KLF15: variants seen among roughly 807,000 people sequenced by gnomAD.
KLF15 encodes the protein KLF transcription factor 15.
Under a neutral mutation model 24.6 loss-of-function variants are expected in KLF15, and 4 were observed. The observed-to-expected ratio is 0.16, with a 90% CI of 0.08 to 0.37. The LOEUF (loss-of-function observed/expected upper bound fraction) is 0.37, where lower values mean the gene tolerates loss of function less well. Ranked by LOEUF, KLF15 falls within the 10% of genes least tolerant of loss-of-function variation. KLF15 has a pLI of 1.00. For synonymous variants in KLF15, 246 were observed against 236.3 expected, an observed-to-expected ratio of 1.04 and a Z score of -0.37; for missense variants, 496 against 560.6, an observed-to-expected ratio of 0.88 and a Z score of 1.16.
chr3:126,310,438 G>A, the KLF15 span, among the ~76,000 whole-genome samples: 7 of 152,144 alleles, frequency 4.6e-5, no homozygotes, highest in Non-Finnish European at 7.3e-5. Context: ...ACAATGTGGC[G>A]ACATCACAGC....
the KLF15 span, among the ~76,000 whole-genome samples, chr3:126,307,792 G>A: frequency 5.9e-5 from 9 of 152,254 alleles, no homozygotes; most frequent in East Asian, 5.8e-4. Flanking sequence ...TGGGCTGTGC[G>A]TCCCCAGCTG....
At chr3:126,301,020 T>C in the KLF15 span, among the ~76,000 whole-genome samples, 4 of 152,296 alleles carry the variant, frequency 2.6e-5, no homozygotes, top group Non-Finnish European at 2.9e-5. Flanking sequence ...TCACAAAGCC[T>C]CACGTTATGG....
chr3:126,308,342 C>G, the KLF15 span, among the ~76,000 whole-genome samples: 1 of 152,194 alleles, frequency 6.6e-6, no homozygotes, highest in Non-Finnish European at 1.5e-5. Context: ...CGGCCTCACT[C>G]CCTGGTGTCC....
chr3:126,303,638 G>A, the KLF15 span, among the ~76,000 whole-genome samples: 9 of 151,510 alleles, frequency 5.9e-5, no homozygotes, highest in East Asian at 1.4e-3. Flanking sequence ...CTTGTGCTTA[G>A]GGTTTGTTGA....
rs779877910 is a variant in KLF15, at chr3:126,343,787, G to A, written c.1191C>T (p.Ser397=). The A allele has an allele frequency of 6.2e-6, 10 of 1,612,010 alleles. No homozygotes were observed. In the South Asian group the frequency reaches 1.1e-4, roughly 18 times the overall value. ...EKKFARSDHL[S]KHIKVHRFPR... ...GGAAGCGGTGCACCTTGATGTGCTT[G>A]GAGAGGTGGTCGCTCCGCGCGAACT... Residue 397 remains serine, a synonymous_variant, in exon 3 of 3, where the codon TCC becomes TCT. Transcript: ENST00000296233.
At chr3:126,306,881 A>G in the KLF15 span, among the ~76,000 whole-genome samples, 1 of 152,070 alleles carries the variant, frequency 6.6e-6, no homozygotes, top group Non-Finnish European at 1.5e-5. Flanking sequence ...ATCTCTGGCA[A>G]TGGTGCCCCT....
chr3:126,311,451 C>T, the KLF15 span, among the ~76,000 whole-genome samples: 1 of 152,162 alleles, frequency 6.6e-6, no homozygotes, highest in Non-Finnish European at 1.5e-5. Flanking sequence ...TCATGGCAGC[C>T]CTTCCAGGTT....
At chr3:126,291,630 GGC>G in the KLF15 span, among the ~76,000 whole-genome samples, 7 of 152,252 alleles carry the variant, frequency 4.6e-5, no homozygotes, top group African/African-American at 1.7e-4. Context: ...TCTCCCAGGT[GGC>G]TGCGTCCCGG....
At chr3:126,322,742 C>T in the KLF15 span, among the ~76,000 whole-genome samples, 1 of 152,322 alleles carries the variant, frequency 6.6e-6, no homozygotes, top group South Asian at 2.1e-4. Flanking sequence ...CAGTGTAGCT[C>T]TTGCCTGCCC....
At chr3:126,288,393 A>G in the KLF15 span, 1 of 152,254 alleles carries the variant, frequency 6.6e-6, no homozygotes, top group South Asian at 2.1e-4. Context: ...CATAATGGGT[A>G]TGAATAAACC....
At chr3:126,347,902 C>T (rs148986376) in intron 2 of KLF15, among the ~76,000 whole-genome samples, 442 of 152,296 alleles carry the variant, frequency 2.9e-3, no homozygotes, top group Middle Eastern at 6.8e-3. Context: ...GCTTGTTCTC[C>T]GAGCACAGGA....
chr3:126,324,719 A>G, the KLF15 span, among the ~76,000 whole-genome samples: 4 of 137,546 alleles, frequency 2.9e-5, no homozygotes, highest in Admixed American at 3.0e-4. Context: ...ATCTGAAAGC[A>G]TATCATGTCC....
chr3:126,317,398 C>G, the KLF15 span, among the ~76,000 whole-genome samples: 1 of 152,070 alleles, frequency 6.6e-6, no homozygotes, highest in African/African-American at 2.4e-5. Context: ...AGGCGGTCTC[C>G]CAATAGATAG....
At chr3:126,354,954 G>A (rs549890802) in intron 1 of KLF15, among the ~76,000 whole-genome samples, 1 of 152,332 alleles carries the variant, frequency 6.6e-6, no homozygotes, top group Admixed American at 6.5e-5. Context: ...GTGAGCTGAC[G>A]CTCACTAAGC....
downstream of KLF15, among the ~76,000 whole-genome samples, chr3:126,342,359 C>A (rs979175473): frequency 1.3e-5 from 2 of 152,176 alleles, no homozygotes; most frequent in Non-Finnish European, 2.9e-5. Context: ...CCTGAGGCAG[C>A]TTCCCACAGG....
chr3:126,311,509 G>C, the KLF15 span, among the ~76,000 whole-genome samples: 1 of 152,198 alleles, frequency 6.6e-6, no homozygotes, highest in Non-Finnish European at 1.5e-5. Context: ...AGGGGCTTGG[G>C]CTTGAGATGG....
chr3:126,327,256 G>T, the KLF15 span, among the ~76,000 whole-genome samples: 1 of 152,218 alleles, frequency 6.6e-6, no homozygotes, highest in South Asian at 2.1e-4. Flanking sequence ...ATAGCAGGCA[G>T]TGAGGTCTGG....
chr3:126,319,871 G>A, the KLF15 span, among the ~76,000 whole-genome samples: 2 of 152,288 alleles, frequency 1.3e-5, no homozygotes, highest in East Asian at 1.9e-4. Flanking sequence ...GGGAACTGGA[G>A]GAAGAGTAGG....
At position 126,344,609 on chromosome 3, in the gene KLF15, C is replaced by T. The variant is rs147871376; in HGVS notation, c.1083-714G>A. On this transcript the variant is annotated intron_variant, in intron 2 of 2. Coordinates refer to ENST00000296233, the MANE Select transcript of KLF15 (RefSeq NM_014079.4). ...TCTCACCACCCTGGCCTCATCTACC[C>T]CACTGGACCAGAACTCCACAGGGGC... Among the ~76,000 whole-genome samples, 588 of 152,328 alleles carry T rather than the reference C, an allele frequency of 3.9e-3. 3 individuals carry two copies. The highest frequency in any genetic ancestry group is 0.014 in the African/African-American group (567 of 41,572).
Sources: allele counts gnomAD v4.1 joint callset (sites outside exome capture counted in the v4.1 genomes callset), GRCh38; gene constraint gnomAD v4.1.1; transcripts MANE v1.5; gene names NCBI Gene and HGNC (gene_info 2026-07-23, HGNC 2026-07-21).